Variants in KCNK2 observed in about 807,000 individuals in gnomAD.
The protein encoded by KCNK2 is potassium two pore domain channel subfamily K member 2.
A neutral mutation model predicts 40.5 loss-of-function variants in KCNK2; 21 were observed. The ratio of observed to expected loss-of-function variants is 0.52; its 90% CI spans 0.37 to 0.75. The LOEUF is 0.75. Ranked by LOEUF, KCNK2 falls within the 30% of genes least tolerant of loss-of-function variation. The pLI is 0.00. For missense variants in KCNK2, 399 were observed against 531.6 expected (o/e 0.75, Z 2.45); for synonymous variants, 191 against 202.2 (o/e 0.94, Z 0.47).
intron 2 of KCNK2, among the ~76,000 whole-genome samples, chr1:215,111,068 T>C (rs1660662529): frequency 6.6e-6 from 1 of 152,162 alleles, no homozygotes. Flanking sequence ...CAGAATGTCA[T>C]ATAGTTGGAA....
At chr1:215,051,968 C>A (rs1658005737) in intron 1 of KCNK2, among the ~76,000 whole-genome samples, 1 of 152,156 alleles carries the variant, frequency 6.6e-6, no homozygotes, top group African/African-American at 2.4e-5. Context: ...ATTATTATTT[C>A]TAACATTCAG....
intron 5 of KCNK2, among the ~76,000 whole-genome samples, chr1:215,175,621 A>G (rs1330565542): frequency 6.6e-6 from 1 of 152,068 alleles, no homozygotes; most frequent in East Asian, 1.9e-4. Context: ...AGTACCCAAT[A>G]GTTAGCTTTT....
At chr1:215,161,346 C>A (rs756081742) in intron 3 of KCNK2, among the ~76,000 whole-genome samples, 6 of 151,964 alleles carry the variant, frequency 3.9e-5, no homozygotes, top group Non-Finnish European at 5.9e-5. Flanking sequence ...GTTCATCAGC[C>A]TTATCATGAA....
In KCNK2 at chr1:215,044,703, C is replaced by A. The variant is rs188508308; in HGVS notation, c.34+38748C>A. On this transcript the variant is annotated intron_variant, in intron 1 of 6. Transcript: ENST00000391895. ...AATAAGTGGAACTACAAATTGATAC[C>A]ATTTTATGGGAACATATAAAAGTTG... Among the ~76,000 whole-genome samples, 457 of 151,860 alleles carry A rather than the reference C, an allele frequency of 3.0e-3. 1 individual carries two copies. Among genetic ancestry groups the A allele is most frequent in the African/African-American group, 0.01 (430 of 41,384 alleles).
intron 3 of KCNK2, among the ~76,000 whole-genome samples, chr1:215,128,119 T>C (rs962032707): frequency 3.9e-5 from 6 of 152,130 alleles, no homozygotes; most frequent in African/African-American, 1.4e-4. Flanking sequence ...TTTACATAGA[T>C]ATTGGGTGGG....
At chr1:215,187,179 A>G (rs1664473882) in intron 5 of KCNK2, among the ~76,000 whole-genome samples, 1 of 152,112 alleles carries the variant, frequency 6.6e-6, no homozygotes, top group Admixed American at 6.6e-5. Flanking sequence ...TTCGTTGCCC[A>G]TGCTGGTCTT....
chr1:215,214,819 C>T (rs954978713), intron 6 of KCNK2, among the ~76,000 whole-genome samples: 5 of 151,802 alleles, frequency 3.3e-5, no homozygotes, highest in African/African-American at 1.2e-4. Context: ...GGAGTGAGAC[C>T]TTGTCTCAAA....
At chr1:215,102,427 T>C (rs931366661) in intron 2 of KCNK2, among the ~76,000 whole-genome samples, 1 of 152,200 alleles carries the variant, frequency 6.6e-6, no homozygotes, top group East Asian at 1.9e-4. Context: ...ACAATGTGTT[T>C]GTTTTAACCT....
intron 3 of KCNK2, among the ~76,000 whole-genome samples, chr1:215,141,966 G>A (rs1374628024): frequency 6.6e-6 from 1 of 151,910 alleles, no homozygotes. Context: ...CGTATCCTCA[G>A]TTCTGTCTAT....
intron 2 of KCNK2, among the ~76,000 whole-genome samples, chr1:215,116,805 G>A (rs1273040550): frequency 1.3e-5 from 2 of 151,474 alleles, no homozygotes; most frequent in African/African-American, 4.8e-5. Context: ...TCATATTTTT[G>A]TAAGAAACAT....
chr1:215,234,644 TA>T (rs1290916174), intron 6 of KCNK2, among the ~76,000 whole-genome samples, 183 bp from the exon 7 acceptor site: 1 of 152,196 alleles, frequency 6.6e-6, no homozygotes, highest in Non-Finnish European at 1.5e-5. Context: ...GCTATATCTA[TA>T]TAAGATAGAA....
At chr1:215,112,207 C>T (rs149623883) in intron 2 of KCNK2, among the ~76,000 whole-genome samples, 1 of 152,162 alleles carries the variant, frequency 6.6e-6, no homozygotes, top group East Asian at 1.9e-4. Context: ...AGTCAGTCTT[C>T]TCTTTCCCTC....
chr1:215,055,314 C>T (rs973148616), intron 1 of KCNK2, among the ~76,000 whole-genome samples: 2 of 152,140 alleles, frequency 1.3e-5, no homozygotes, highest in Non-Finnish European at 2.9e-5. Flanking sequence ...AATGTGTTCC[C>T]ATTTCACAGA....
intron 2 of KCNK2, among the ~76,000 whole-genome samples, chr1:215,106,951 T>C (rs775228451): frequency 2.0e-5 from 3 of 152,126 alleles, no homozygotes; most frequent in Non-Finnish European, 4.4e-5. Context: ...TATATGTCTG[T>C]TTTTGTACCA....
chr1:215,122,573 G>T (rs1325567739), intron 2 of KCNK2, among the ~76,000 whole-genome samples: 1 of 151,568 alleles, frequency 6.6e-6, no homozygotes, highest in African/African-American at 2.4e-5. Flanking sequence ...TCATGATAAG[G>T]GTTATATAAA....
upstream of KCNK2, among the ~76,000 whole-genome samples, chr1:215,077,870 TC>T (rs1357997637): frequency 2.6e-4 from 39 of 152,262 alleles, no homozygotes; most frequent in African/African-American, 8.9e-4. Context: ...AAGTAAATAC[TC>T]CCACTTTACC....
intron 6 of KCNK2, among the ~76,000 whole-genome samples, chr1:215,205,616 C>A (rs371948933): frequency 7.2e-5 from 11 of 152,148 alleles, no homozygotes; most frequent in East Asian, 3.9e-4. Flanking sequence ...CATAGGAGAT[C>A]ATGGATGCCA....
chr1:215,110,632 T>A (rs1452362861), intron 2 of KCNK2, among the ~76,000 whole-genome samples: 2 of 152,104 alleles, frequency 1.3e-5, no homozygotes, highest in Admixed American at 1.3e-4. Flanking sequence ...TGTTCTAGAT[T>A]TTTTCACATT....
intron 1 of KCNK2, among the ~76,000 whole-genome samples, chr1:215,048,200 A>G (rs190068428): frequency 6.6e-6 from 1 of 152,302 alleles, no homozygotes; most frequent in Admixed American, 6.5e-5. Context: ...ATACATCACT[A>G]CTAATTACAG....
Sources: gnomAD v4.1 joint callset for allele counts (sites outside exome capture counted in the v4.1 genomes callset) on GRCh38, gnomAD v4.1.1 for gene constraint, MANE v1.5 for transcripts, NCBI Gene and HGNC (gene_info 2026-07-23, HGNC 2026-07-21) for gene names.